Variants in NYAP2 observed in about 807,000 individuals in gnomAD.
NYAP2 encodes neuronal tyrosine-phosphorylated phosphoinositide-3-kinase adapter 2.
NYAP2 carries 23 observed loss-of-function variants against 50.4 expected under a neutral mutation model. The observed-to-expected ratio is 0.46, with a 90% CI of 0.33 to 0.65. The LOEUF (loss-of-function observed/expected upper bound fraction) is 0.65, where lower values mean the gene tolerates loss of function less well. Among genes scored for constraint, NYAP2 ranks in the 30% least tolerant of loss-of-function variants. NYAP2 has a pLI of 0.02. For synonymous variants in NYAP2, 394 were observed against 365.2 expected, an observed-to-expected ratio of 1.08 and a Z score of -0.90; for missense variants, 885 against 861.0, an observed-to-expected ratio of 1.03 and a Z score of -0.35.
At chr2:225,535,814 A>G (rs1691339614) in intron 4 of NYAP2, among the ~76,000 whole-genome samples, 1 of 152,192 alleles carries the variant, frequency 6.6e-6, no homozygotes, top group Admixed American at 6.5e-5. Flanking sequence ...GAAAAGTGCT[A>G]CATTTCCTAT....
At chr2:225,669,530 T>C in the NYAP2 span, among the ~76,000 whole-genome samples, 1 of 152,136 alleles carries the variant, frequency 6.6e-6, no homozygotes, top group Admixed American at 6.6e-5. Flanking sequence ...TTTTCTTGAT[T>C]ACAATTTAAA....
Position 225,609,554 on chromosome 2 carries a change from T to C in NYAP2, c.1619-17363T>C, listed in dbSNP as rs1414059623. 4.6e-5 allele frequency among the ~76,000 whole-genome samples: 7 copies of C among 152,042 alleles called. No homozygotes were observed. In the South Asian group the frequency reaches 1.5e-3, roughly 32 times the overall value. ...CGAGTTCTTAGGTCCAAGCTGCATATGGAGAAGTCTGTAAAAGAGGATAGA... is the reference window on the plus strand; with the variant it reads ...CGAGTTCTTAGGTCCAAGCTGCATACGGAGAAGTCTGTAAAAGAGGATAGA... On this transcript the variant is annotated intron_variant, in intron 5 of 6. Coordinates refer to ENST00000636099, the Ensembl canonical transcript of NYAP2.
chr2:225,448,967 T>G (rs1689605759), intron 3 of NYAP2, among the ~76,000 whole-genome samples: 1 of 152,208 alleles, frequency 6.6e-6, no homozygotes, highest in Non-Finnish European at 1.5e-5. Context: ...AACTGCATGA[T>G]GAACTCCTGG....
At position 225,549,186 on chromosome 2, in the gene NYAP2, G is replaced by A. The variant is rs186840961; in HGVS notation, c.524-32755G>A. Reference sequence around the variant, plus strand: ...GTGAGCCACCATGCCCAGCCAGAATGCAGCTATTTGAAATAGTTTTCTCTA... The same window carrying A: ...GTGAGCCACCATGCCCAGCCAGAATACAGCTATTTGAAATAGTTTTCTCTA... On this transcript the variant is annotated intron_variant, in intron 4 of 6. Transcript: ENST00000636099. Among the ~76,000 whole-genome samples, 368 of 152,238 alleles carry A rather than the reference G, an allele frequency of 2.4e-3. 2 individuals carry two copies. The highest frequency in any genetic ancestry group is 7.1e-3 in the Admixed American group (109 of 15,298).
intron 5 of NYAP2, among the ~76,000 whole-genome samples, chr2:225,585,881 G>A (rs903279389): frequency 6.6e-6 from 1 of 152,078 alleles, no homozygotes; most frequent in African/African-American, 2.4e-5. Flanking sequence ...TACACTCATG[G>A]ATACAATTCT....
intron 3 of NYAP2, among the ~76,000 whole-genome samples, chr2:225,444,351 A>G (rs1689518578): frequency 6.6e-6 from 1 of 152,218 alleles, no homozygotes; most frequent in Non-Finnish European, 1.5e-5. Flanking sequence ...TTCTCTTAGT[A>G]CACACATCAT....
upstream of NYAP2, among the ~76,000 whole-genome samples, chr2:225,398,370 C>T (rs1694804707): frequency 6.6e-6 from 1 of 152,016 alleles, no homozygotes; most frequent in Non-Finnish European, 1.5e-5. Context: ...TATAGACCCC[C>T]AGACTGGCAA....
At chr2:225,535,923 T>A (rs1691341676) in intron 4 of NYAP2, among the ~76,000 whole-genome samples, 1 of 152,148 alleles carries the variant, frequency 6.6e-6, no homozygotes, top group Admixed American at 6.5e-5. Flanking sequence ...TCCATAAAAA[T>A]TTTTCTGTGA....
chr2:225,533,670 C>T (rs1484792963), intron 4 of NYAP2, among the ~76,000 whole-genome samples: 1 of 151,282 alleles, frequency 6.6e-6, no homozygotes, highest in East Asian at 1.9e-4. Flanking sequence ...GCCTGGGTGA[C>T]AGAGCAAGAC....
chr2:225,399,093 A>G (rs1574593720), upstream of NYAP2, among the ~76,000 whole-genome samples: 2 of 152,046 alleles, frequency 1.3e-5, no homozygotes, highest in South Asian at 2.1e-4. Flanking sequence ...GGGAAAACCA[A>G]CCTGCAAGTG....
intron 4 of NYAP2, among the ~76,000 whole-genome samples, chr2:225,535,148 A>ATGGAGAAGCCACCTGCAC (rs1691325659): frequency 6.6e-6 from 1 of 152,222 alleles, no homozygotes; most frequent in Non-Finnish European, 1.5e-5. Context: ...GCAGCTGAGC[A>ATGGAGAAGCCACCTGCAC]TGGAGAAGCC....
intron 3 of NYAP2, among the ~76,000 whole-genome samples, chr2:225,508,238 A>G (rs1249140172): frequency 6.6e-6 from 1 of 152,188 alleles, no homozygotes; most frequent in Non-Finnish European, 1.5e-5. Context: ...TCTTATTGCA[A>G]CAAGACTCTT....
chr2:225,594,906 G>A (rs1692570437), intron 5 of NYAP2, among the ~76,000 whole-genome samples: 1 of 152,142 alleles, frequency 6.6e-6, no homozygotes, highest in Admixed American at 6.5e-5. Flanking sequence ...CCAAATGGAA[G>A]AAGTAAAAAT....
chr2:225,546,931 C>T (rs150285019), intron 4 of NYAP2, among the ~76,000 whole-genome samples: 9 of 152,212 alleles, frequency 5.9e-5, no homozygotes, highest in East Asian at 1.9e-4. Context: ...CTGGGTCCTT[C>T]GTTCAAAGCA....
At chr2:225,399,365 A>T (rs1694820250), upstream of NYAP2, among the ~76,000 whole-genome samples, 1 of 152,036 alleles carries the variant, frequency 6.6e-6, no homozygotes, top group Non-Finnish European at 1.5e-5. Flanking sequence ...CACATATATA[A>T]GTTGTGGTAT....
intron 3 of NYAP2, among the ~76,000 whole-genome samples, chr2:225,486,070 T>A (rs1690293630): frequency 6.6e-6 from 1 of 152,112 alleles, no homozygotes; most frequent in African/African-American, 2.4e-5. Context: ...CCTGCGGAAT[T>A]CCCTTTATCA....
intron 3 of NYAP2, among the ~76,000 whole-genome samples, chr2:225,423,216 T>C (rs1356228629): frequency 6.6e-6 from 1 of 152,110 alleles, no homozygotes; most frequent in Non-Finnish European, 1.5e-5. Flanking sequence ...AAGATTAGGA[T>C]GGTATTGGGT....
the NYAP2 span, among the ~76,000 whole-genome samples, chr2:225,666,383 A>G: frequency 2.4e-4 from 37 of 152,208 alleles, no homozygotes; most frequent in Non-Finnish European, 5.1e-4. Context: ...ATGACCTGTG[A>G]CACAGCCCTC....
At chr2:225,618,818 G>C (rs1400841418) in intron 5 of NYAP2, among the ~76,000 whole-genome samples, 2 of 152,210 alleles carry the variant, frequency 1.3e-5, no homozygotes, top group East Asian at 3.8e-4. Context: ...AATTTCACTG[G>C]AAAATAAACG....
Sources: allele counts gnomAD v4.1 joint callset (sites outside exome capture counted in the v4.1 genomes callset), GRCh38; gene constraint gnomAD v4.1.1; transcripts MANE v1.5; gene names NCBI Gene and HGNC (gene_info 2026-07-23, HGNC 2026-07-21).